CAMTA1: variants seen among roughly 807,000 people sequenced by gnomAD.
CAMTA1 encodes calmodulin-binding transcription activator 1.
A neutral mutation model predicts 170.9 loss-of-function variants in CAMTA1; 27 were observed. That is an observed-to-expected ratio of 0.16 (90% CI 0.12 to 0.22). The LOEUF (loss-of-function observed/expected upper bound fraction) is 0.22, where lower values mean the gene tolerates loss of function less well. Ranked by LOEUF, CAMTA1 falls within the 10% of genes least tolerant of loss-of-function variation. CAMTA1 has a pLI of 1.00. For synonymous variants in CAMTA1, 833 were observed against 891.5 expected (o/e 0.93, Z 1.17); for missense variants, 1,619 against 2,217.2 (o/e 0.73, Z 5.42).
chr1:7,125,385 A>G (rs1254976187), intron 4 of CAMTA1, among the ~76,000 whole-genome samples: 1 of 152,048 alleles, frequency 6.6e-6, no homozygotes, highest in Non-Finnish European at 1.5e-5. Context: ...TGATGGGGAG[A>G]CAGAAGTAGA....
At chr1:6,873,297 T>C (rs185943597) in intron 3 of CAMTA1, among the ~76,000 whole-genome samples, 1 of 152,274 alleles carries the variant, frequency 6.6e-6, no homozygotes, top group East Asian at 1.9e-4. Flanking sequence ...TGTGCTGGCA[T>C]GTTTACCAGA....
intron 4 of CAMTA1, among the ~76,000 whole-genome samples, chr1:7,187,452 CAAAAT>C (rs976802226): frequency 5.9e-5 from 9 of 151,892 alleles, no homozygotes; most frequent in African/African-American, 2.2e-4. Context: ...CGTTACTTAA[CAAAAT>C]AAAAAGTTGT....
At chr1:7,486,924 C>T (rs569033089) in intron 6 of CAMTA1, among the ~76,000 whole-genome samples, 2 of 152,206 alleles carry the variant, frequency 1.3e-5, no homozygotes, top group African/African-American at 4.8e-5. Context: ...CTACCCCTGA[C>T]TTCTCTAGGG....
rs554826576 is a variant in CAMTA1, at chr1:7,420,150, C to T, written c.439-47680C>T. ...CACACCCTCCTGAACCCATGCTGTT[C>T]TCCACGCGTGCCCCTCCTTTGGCCT... On this transcript the variant is annotated intron_variant, in intron 5 of 22. Coordinates refer to ENST00000303635, the MANE Select transcript of CAMTA1 (RefSeq NM_015215.4). 2.0e-5 allele frequency among the ~76,000 whole-genome samples: 3 copies of T among 152,254 alleles called. No homozygotes were observed. The South Asian group carries it at 6.2e-4, about 32-fold the overall frequency.
intron 5 of CAMTA1, among the ~76,000 whole-genome samples, chr1:7,262,344 C>T (rs1298179799): frequency 1.3e-5 from 2 of 151,932 alleles, no homozygotes; most frequent in African/African-American, 4.8e-5. Context: ...GGCGGATCAC[C>T]TGAGGTCAGG....
chr1:6,811,047 T>A (rs971400237), intron 1 of CAMTA1, among the ~76,000 whole-genome samples: 60 of 152,326 alleles, frequency 3.9e-4, no homozygotes, highest in African/African-American at 1.4e-3. Context: ...CTGTGCCCTT[T>A]GTCTTCATGT....
intron 11 of CAMTA1, among the ~76,000 whole-genome samples, chr1:7,721,744 T>C (rs538475122): frequency 1.3e-5 from 2 of 152,324 alleles, no homozygotes; most frequent in Non-Finnish European, 2.9e-5. Context: ...ATTTATTTTT[T>C]TGAGACAGAG....
intron 5 of CAMTA1, among the ~76,000 whole-genome samples, chr1:7,418,569 G>C (rs1391902120): frequency 6.6e-6 from 1 of 152,182 alleles, no homozygotes; most frequent in Non-Finnish European, 1.5e-5. Context: ...AGTGGCCCCA[G>C]ATGCGGATCC....
intron 11 of CAMTA1, among the ~76,000 whole-genome samples, chr1:7,696,490 A>C (rs1576959491): frequency 8.5e-6 from 1 of 117,752 alleles, no homozygotes; most frequent in Admixed American, 9.6e-5. Context: ...CACAGTGCCC[A>C]GCCAGTTTTT....
intron 4 of CAMTA1, among the ~76,000 whole-genome samples, chr1:7,175,389 G>A (rs1650580920): frequency 6.6e-6 from 1 of 151,340 alleles, no homozygotes; most frequent in African/African-American, 2.5e-5. Context: ...GCTATAACCT[G>A]CTTAACTCTT....
intron 3 of CAMTA1, among the ~76,000 whole-genome samples, chr1:7,088,643 G>C (rs1405459826): frequency 6.6e-6 from 1 of 152,202 alleles, no homozygotes; most frequent in Non-Finnish European, 1.5e-5. Flanking sequence ...GCCCATGAAA[G>C]TCTTCTTTGG....
intron 4 of CAMTA1, among the ~76,000 whole-genome samples, chr1:7,108,314 A>T (rs1043977470): frequency 6.6e-6 from 1 of 152,186 alleles, no homozygotes; most frequent in African/African-American, 2.4e-5. Flanking sequence ...ATGATAGTAC[A>T]TATTGTTGTG....
chr1:7,517,347 C>T (rs1192217841), intron 6 of CAMTA1, among the ~76,000 whole-genome samples: 1 of 152,142 alleles, frequency 6.6e-6, no homozygotes, highest in African/African-American at 2.4e-5. Context: ...AGGAGAGTTC[C>T]ACTTCTACCT....
At chr1:7,703,400 C>T (rs1363099501) in intron 11 of CAMTA1, among the ~76,000 whole-genome samples, 1 of 152,154 alleles carries the variant, frequency 6.6e-6, no homozygotes, top group African/African-American at 2.4e-5. Context: ...GGCTTCGGAA[C>T]AGGAGAGGAA....
chr1:7,044,300 G>A lies in CAMTA1; in HGVS notation c.235-47004G>A, dbSNP rs1704989390. Among the ~76,000 whole-genome samples the A allele has an allele frequency of 6.6e-6, 1 of 152,206 alleles. No individual in the cohort carries two copies. Among genetic ancestry groups the A allele is most frequent in the Non-Finnish European group, 1.5e-5 (1 of 68,038 alleles). On this transcript the variant is annotated intron_variant, in intron 3 of 22. Coordinates refer to ENST00000303635, the MANE Select transcript of CAMTA1 (RefSeq NM_015215.4). The surrounding 1 kb of genome is among the most constrained non-coding windows in gnomAD (Gnocchi z 5.0). ...TCACCCAGACTAGACGGGAATGGGG[G>A]AGACCCAGAGAGACGCAGAGCAGTG...
intron 11 of CAMTA1, among the ~76,000 whole-genome samples, chr1:7,708,601 A>G (rs779233690): frequency 6.6e-6 from 1 of 152,242 alleles, no homozygotes; most frequent in East Asian, 1.9e-4. Context: ...TTTAGTTTAT[A>G]AAGTATCGTG....
chr1:6,817,185 G>C (rs1455281922), intron 1 of CAMTA1, among the ~76,000 whole-genome samples: 1 of 152,168 alleles, frequency 6.6e-6, no homozygotes, highest in Non-Finnish European at 1.5e-5. Flanking sequence ...CTATTCATTA[G>C]TGTGTCCCAC....
intron 6 of CAMTA1, among the ~76,000 whole-genome samples, chr1:7,543,229 T>A (rs2150121276): frequency 6.6e-6 from 1 of 152,324 alleles, no homozygotes; most frequent in African/African-American, 2.4e-5. Flanking sequence ...AATTTAGTCA[T>A]TTCCTGTTGG....
chr1:6,941,449 A>G (rs1686604603), intron 3 of CAMTA1, among the ~76,000 whole-genome samples: 1 of 152,036 alleles, frequency 6.6e-6, no homozygotes. Context: ...TGACCGGGAG[A>G]GTGTGGGGAC....
Sources: gnomAD v4.1 joint callset for allele counts (sites outside exome capture counted in the v4.1 genomes callset) on GRCh38, gnomAD v4.1.1 for gene constraint, Gnocchi (gnomAD v3.1) non-coding constraint, MANE v1.5 for transcripts, NCBI Gene and HGNC (gene_info 2026-07-23, HGNC 2026-07-21) for gene names.